Variants in PSD3 observed in about 807,000 individuals in gnomAD.
The protein encoded by PSD3 is pleckstrin and Sec7 domain containing 3, also known as PH and SEC7 domain-containing protein 3.
Under a neutral mutation model 105.5 loss-of-function variants are expected in PSD3, and 49 were observed. The observed-to-expected ratio is 0.46, with a 90% CI of 0.37 to 0.59. The LOEUF is 0.59. Ranked by LOEUF, PSD3 falls within the 20% of genes least tolerant of loss-of-function variation. The pLI, the probability that PSD3 is intolerant of heterozygous loss-of-function variation, is 0.00. For missense variants in PSD3, 1,561 were observed against 1,263.8 expected (o/e 1.24, Z -3.57); for synonymous variants, 557 against 457.8 (o/e 1.22, Z -2.77).
intron 9 of PSD3, among the ~76,000 whole-genome samples, chr8:18,687,946 T>A (rs903666680): frequency 6.6e-6 from 1 of 152,076 alleles, no homozygotes; most frequent in Admixed American, 6.5e-5. Context: ...TTTTGTATTT[T>A]TTAGTAAAGA....
chr8:18,617,284 A>T (rs1332421333), intron 11 of PSD3, among the ~76,000 whole-genome samples: 2 of 152,160 alleles, frequency 1.3e-5, no homozygotes, highest in Non-Finnish European at 2.9e-5. Flanking sequence ...TAATCCCACC[A>T]TTTTGGGAGG....
At chr8:18,851,510 C>T (rs1332367053) in intron 4 of PSD3, among the ~76,000 whole-genome samples, 4 of 152,246 alleles carry the variant, frequency 2.6e-5, no homozygotes, top group Admixed American at 2.0e-4. Flanking sequence ...CAGCCCTCTG[C>T]TACGAGGCAA....
chr8:18,575,104 C>T (rs1045068143), intron 13 of PSD3, 24 bp downstream of exon 13: 1 of 1,603,904 alleles, frequency 6.2e-7, no homozygotes, highest in Admixed American at 1.7e-5. Context: ...AACACAAAAT[C>T]AAATAAAAAC....
At chr8:18,673,624 C>G (rs574062359) in intron 9 of PSD3, among the ~76,000 whole-genome samples, 14 of 152,314 alleles carry the variant, frequency 9.2e-5, no homozygotes, top group Admixed American at 3.3e-4. Flanking sequence ...CTCTCCCCCT[C>G]TGCTCTACTG....
At chr8:18,653,369 C>CAAA (rs113328647) in intron 10 of PSD3, among the ~76,000 whole-genome samples, 14 of 139,208 alleles carry the variant, frequency 1.0e-4, no homozygotes, top group African/African-American at 3.6e-4. Flanking sequence ...GAAAAAAAGA[C>CAAA]AAAAAAAAAA....
chr8:19,001,383 C>T (rs527554100), intron 1 of PSD3, among the ~76,000 whole-genome samples: 3 of 151,066 alleles, frequency 2.0e-5, no homozygotes, highest in Non-Finnish European at 4.4e-5. Context: ...TTTCGATACA[C>T]CTCCTGCCCC....
intron 9 of PSD3, among the ~76,000 whole-genome samples, chr8:18,680,029 C>T (rs925993021): frequency 2.6e-5 from 4 of 152,106 alleles, no homozygotes; most frequent in South Asian, 2.1e-4. Context: ...TTTGAGATTC[C>T]GCCTCATTTA....
intron 9 of PSD3, among the ~76,000 whole-genome samples, chr8:18,682,190 T>C (rs1800426992): frequency 6.6e-6 from 1 of 152,144 alleles, no homozygotes; most frequent in Non-Finnish European, 1.5e-5. Context: ...ATGCCTAAAT[T>C]ATCATGAGGA....
At chr8:18,672,696 C>T (rs1799850358) in intron 9 of PSD3, among the ~76,000 whole-genome samples, 1 of 152,168 alleles carries the variant, frequency 6.6e-6, no homozygotes, top group African/African-American at 2.4e-5. Flanking sequence ...GAAGAGACAA[C>T]TGTTTCTCAA....
intron 2 of PSD3, among the ~76,000 whole-genome samples, chr8:18,907,726 G>A (rs1246547469): frequency 1.3e-5 from 2 of 152,136 alleles, no homozygotes; most frequent in African/African-American, 4.8e-5. Context: ...CTATTTCTCA[G>A]AACATATACC....
At chr8:18,637,205 G>GT (rs1807319261) in intron 10 of PSD3, among the ~76,000 whole-genome samples, 1 of 152,110 alleles carries the variant, frequency 6.6e-6, no homozygotes, top group African/African-American at 2.4e-5. Flanking sequence ...GTCTTACACT[G>GT]TTTTCCAAAG....
intron 1 of PSD3, among the ~76,000 whole-genome samples, chr8:19,061,512 A>T (rs896547242): frequency 6.6e-6 from 1 of 152,150 alleles, no homozygotes; most frequent in Non-Finnish European, 1.5e-5. Context: ...ATTTAAAAAA[A>T]AAAATCACTT....
chr8:18,913,426 T>C (rs1307518857), intron 2 of PSD3, among the ~76,000 whole-genome samples: 1 of 152,116 alleles, frequency 6.6e-6, no homozygotes, highest in African/African-American at 2.4e-5. Context: ...ACTTCCAAAA[T>C]GTCTTCTAAG....
chr8:18,830,712 T>C (rs1188391477), intron 4 of PSD3, among the ~76,000 whole-genome samples: 1 of 152,154 alleles, frequency 6.6e-6, no homozygotes, highest in Non-Finnish European at 1.5e-5. Flanking sequence ...TAACCCGAAC[T>C]CCACCCCTTC....
chr8:18,725,131 T>C (rs1585738679), intron 9 of PSD3, among the ~76,000 whole-genome samples: 2 of 152,312 alleles, frequency 1.3e-5, no homozygotes, highest in African/African-American at 4.8e-5. Flanking sequence ...CCATCATATT[T>C]CCTATGTAAC....
At chr8:18,724,370 G>C (rs1338405659) in intron 9 of PSD3, among the ~76,000 whole-genome samples, 1 of 152,124 alleles carries the variant, frequency 6.6e-6, no homozygotes, top group Non-Finnish European at 1.5e-5. Flanking sequence ...CCAGCATTTT[G>C]GTAGGTCAGG....
At chr8:18,971,918 T>C (rs532639385) in intron 1 of PSD3, among the ~76,000 whole-genome samples, 2 of 151,898 alleles carry the variant, frequency 1.3e-5, no homozygotes, top group Non-Finnish European at 2.9e-5. Context: ...GGTAGGAGAA[T>C]CGCTTGAGCC....
At chr8:18,880,869 C>T (rs1411917219) in intron 2 of PSD3, among the ~76,000 whole-genome samples, 2 of 152,150 alleles carry the variant, frequency 1.3e-5, no homozygotes, top group African/African-American at 4.8e-5. Flanking sequence ...TAGCACTTAC[C>T]TAAATATAAA....
intron 11 of PSD3, among the ~76,000 whole-genome samples, chr8:18,629,987 A>T (rs1806776721): frequency 6.6e-6 from 1 of 151,824 alleles, no homozygotes; most frequent in African/African-American, 2.4e-5. Context: ...GGCAGCTGAA[A>T]CTTCCACGCT....
Sources: allele counts gnomAD v4.1 joint callset (sites outside exome capture counted in the v4.1 genomes callset), GRCh38; gene constraint gnomAD v4.1.1; transcripts MANE v1.5; gene names NCBI Gene and HGNC (gene_info 2026-07-23, HGNC 2026-07-21).